The following ATR variants were observed in gnomAD, a reference collection of about 807,000 sequenced individuals.
The protein encoded by ATR is serine/threonine-protein kinase ATR.
Under a neutral mutation model 305.3 loss-of-function variants are expected in ATR, and 142 were observed. The observed-to-expected ratio is 0.47, with a 90% CI of 0.41 to 0.53. ATR has a LOEUF of 0.53. Among genes scored for constraint, ATR ranks in the 20% least tolerant of loss-of-function variants. The pLI, the probability that ATR is intolerant of heterozygous loss-of-function variation, is 0.00. For synonymous variants in ATR, 1,050 were observed against 1,068.1 expected, an observed-to-expected ratio of 0.98 and a Z score of 0.33; for missense variants, 2,135 against 3,133.1, an observed-to-expected ratio of 0.68 and a Z score of 7.60.
chr3:142,460,821 G>C (rs2071009091), intron 42 of ATR, among the ~76,000 whole-genome samples: 1 of 152,122 alleles, frequency 6.6e-6, no homozygotes, highest in Non-Finnish European at 1.5e-5. Flanking sequence ...GTTACAAAAA[G>C]TTGCATCAAT....
At chr3:142,462,559 C>A (rs114378326) in intron 41 of ATR, among the ~76,000 whole-genome samples, 2,794 of 151,812 alleles carry the variant, frequency 0.018, 46 homozygotes, top group East Asian at 0.077. Flanking sequence ...AACTCTGCCT[C>A]TCGGGTTCTT....
Position 142,560,411 on chromosome 3 carries a change from C to T in ATR, c.1393G>A (p.Ala465Thr), listed in dbSNP as rs2108483232. Reference protein sequence around the residue: ...DMNQKSILWSALKQKAESLQI... With the variant: ...DMNQKSILWSTLKQKAESLQI... ...AGGGATTCAGCTTTCTGTTTCAGTG[C>T]ACTCCATAATATGCTCTTTTGGTTC... The change falls in exon 6 of 47, where the codon GCA (alanine) becomes ACA (threonine). Residue 465 changes from alanine to threonine, a missense_variant. Ala to Thr is a moderately conservative substitution (Grantham distance 58). Coordinates refer to ENST00000350721, the MANE Select transcript of ATR (RefSeq NM_001184.4). 2 of 1,613,622 alleles carry T rather than the reference C, an allele frequency of 1.2e-6. No homozygotes were observed. The highest frequency in any genetic ancestry group is 1.7e-6 in the Non-Finnish European group (2 of 1,179,676).
chr3:142,497,326 C>G, intron 32 of ATR, 134 bp from the exon 33 acceptor site: 1 of 846,820 alleles, frequency 1.2e-6, no homozygotes, highest in Non-Finnish European at 1.8e-6. Context: ...TTTAATATAT[C>G]CTTGCTAAGT....
intron 31 of ATR, 49 bp from the exon 32 acceptor site, chr3:142,498,823 G>A (rs2108342257): frequency 1.3e-6 from 2 of 1,573,232 alleles, no homozygotes; most frequent in Non-Finnish European, 1.7e-6. Context: ...CTGGGTCCAA[G>A]AGTCAGCTTT....
chr3:142,461,765 G>A (rs2071026839), intron 42 of ATR, among the ~76,000 whole-genome samples, 175 bp downstream of exon 42: 1 of 152,108 alleles, frequency 6.6e-6, no homozygotes, highest in Admixed American at 6.5e-5. Flanking sequence ...AGGAAGGAAG[G>A]AAGGAAGAAA....
chr3:142,479,183 C>T (rs1032375178), intron 36 of ATR, among the ~76,000 whole-genome samples: 5 of 152,190 alleles, frequency 3.3e-5, no homozygotes, highest in Non-Finnish European at 5.9e-5. Flanking sequence ...TTCCTAGCAT[C>T]GATGGTCTTT....
intron 36 of ATR, among the ~76,000 whole-genome samples, chr3:142,482,988 T>C (rs1290868333): frequency 2.1e-5 from 3 of 146,144 alleles, no homozygotes; most frequent in African/African-American, 8.2e-5. Flanking sequence ...CCCCTTTCTT[T>C]CTTTTTTTTT....
At chr3:142,547,650 A>G in intron 16 of ATR, 75 bp downstream of exon 16, 1 of 1,499,814 alleles carries the variant, frequency 6.7e-7, no homozygotes, top group Middle Eastern at 1.7e-4. Context: ...CAAAAATATG[A>G]TTTCTTCAAT....
chr3:142,479,050 G>A (rs1437747441), intron 36 of ATR, among the ~76,000 whole-genome samples: 1 of 152,160 alleles, frequency 6.6e-6, no homozygotes, highest in Non-Finnish European at 1.5e-5. Context: ...CAATTTGCCA[G>A]TCTGTGTCTT....
intron 35 of ATR, among the ~76,000 whole-genome samples, chr3:142,489,394 C>T (rs919460831): frequency 1.3e-5 from 2 of 152,106 alleles, no homozygotes; most frequent in South Asian, 4.2e-4. Context: ...ACCCATGGAA[C>T]CATCATTCCA....
At chr3:142,500,870 G>C (rs1015230306) in intron 30 of ATR, among the ~76,000 whole-genome samples, 7 of 152,112 alleles carry the variant, frequency 4.6e-5, no homozygotes, top group Admixed American at 4.6e-4. Flanking sequence ...GTAGAATTAG[G>C]CAGTATTTGT....
At chr3:142,536,055 G>T in intron 20 of ATR, 53 bp downstream of exon 20, 1 of 1,248,050 alleles carries the variant, frequency 8.0e-7, no homozygotes, top group Non-Finnish European at 1.2e-6. Context: ...ATTGGAACTT[G>T]GGAACAATTC....
In ATR at chr3:142,513,639, C is replaced by G. The variant is rs910635641; in HGVS notation, c.4504-1G>C. 2.5e-6 allele frequency: 4 copies of G among 1,613,358 alleles called. No individual in the cohort carries two copies. Among genetic ancestry groups the G allele is most frequent in the Admixed American group, 1.7e-5 (1 of 60,006 alleles). On this transcript the variant is annotated splice_acceptor_variant, in intron 25 of 46. Coordinates refer to ENST00000350721, the MANE Select transcript of ATR (RefSeq NM_001184.4). LOFTEE classifies it high-confidence loss of function. ...TTTTACTGGCAAGATCATGTCGAAC[C>G]TGTAAATGCAAAATGTGTAGACAGT... is the stretch of plus-strand genomic sequence containing the variant.
chr3:142,578,581 G>A (rs2108512285), intron 1 of ATR, 65 bp downstream of exon 1: 1 of 1,538,844 alleles, frequency 6.5e-7, no homozygotes, highest in South Asian at 1.2e-5. Flanking sequence ...GGAGGGGAGA[G>A]CACGTGAAAC....
At chr3:142,512,151 G>T in intron 27 of ATR, 109 bp downstream of exon 27, 1 of 987,628 alleles carries the variant, frequency 1.0e-6, no homozygotes, top group Non-Finnish European at 1.5e-6. Context: ...AAAACATGAA[G>T]CAAGGTATTT....
chr3:142,523,943 C>A, intron 22 of ATR, 50 bp downstream of exon 22: 3 of 1,559,362 alleles, frequency 1.9e-6, no homozygotes, highest in Admixed American at 3.4e-5. Context: ...AATATATAAA[C>A]CTCAATAGGA....
chr3:142,453,507 G>A (rs955524374), intron 45 of ATR, among the ~76,000 whole-genome samples: 1 of 152,156 alleles, frequency 6.6e-6, no homozygotes, highest in Non-Finnish European at 1.5e-5. Context: ...TGTATACTGT[G>A]AACTGGTAAA....
chr3:142,540,850 G>A (rs1443784657), intron 18 of ATR, 54 bp downstream of exon 18: 3 of 1,536,166 alleles, frequency 2.0e-6, no homozygotes, highest in Non-Finnish European at 2.6e-6. Context: ...TCAAGTTAGT[G>A]CTACTGGAAA....
At chr3:142,572,508 C>T (rs1026179682) in intron 1 of ATR, among the ~76,000 whole-genome samples, 13 of 150,106 alleles carry the variant, frequency 8.7e-5, no homozygotes, top group African/African-American at 2.7e-4. Flanking sequence ...CATGGTAGCT[C>T]ATGCCTGTAA....
Sources: allele counts gnomAD v4.1 joint callset (sites outside exome capture counted in the v4.1 genomes callset), GRCh38; gene constraint gnomAD v4.1.1; transcripts MANE v1.5; gene names NCBI Gene and HGNC (gene_info 2026-07-23, HGNC 2026-07-21).